Variants in DTNA observed in about 807,000 individuals in gnomAD.
DTNA encodes dystrobrevin alpha, also known as dystrophin-related protein 3.
In DTNA, 43 loss-of-function variants were observed where a neutral mutation model predicts 100.7. That is an observed-to-expected ratio of 0.43 (90% CI 0.33 to 0.55). The LOEUF is 0.55. DTNA is among the 20% of genes least tolerant of loss of function. The pLI is 0.04. For missense variants in DTNA, 798 were observed against 953.9 expected, an observed-to-expected ratio of 0.84 and a Z score of 2.15; for synonymous variants, 349 against 347.9, an observed-to-expected ratio of 1.00 and a Z score of -0.04.
At chr18:34,747,674 C>T (rs1408639443) in intron 1 of DTNA, among the ~76,000 whole-genome samples, 2 of 152,252 alleles carry the variant, frequency 1.3e-5, no homozygotes, top group African/African-American at 4.8e-5. Context: ...TACATTATTT[C>T]ATTTTTTTAT....
At chr18:34,583,914 A>T (rs116473530) in intron 1 of DTNA, among the ~76,000 whole-genome samples, 1,869 of 152,262 alleles carry the variant, frequency 0.012, 34 homozygotes, top group African/African-American at 0.041. Context: ...GAGTAACTTA[A>T]CTATAGAGGC....
At chr18:34,632,701 G>C (rs924738744) in intron 1 of DTNA, among the ~76,000 whole-genome samples, 2 of 152,122 alleles carry the variant, frequency 1.3e-5, no homozygotes, top group Non-Finnish European at 2.9e-5. Flanking sequence ...TTCAGCATTT[G>C]CTACAAACTT....
intron 1 of DTNA, among the ~76,000 whole-genome samples, chr18:34,637,262 C>G (rs1461087040): frequency 6.6e-6 from 1 of 152,162 alleles, no homozygotes; most frequent in Non-Finnish European, 1.5e-5. Flanking sequence ...CAGTGGCATA[C>G]TCTGCTATTT....
intron 1 of DTNA, among the ~76,000 whole-genome samples, chr18:34,611,954 C>T (rs568483671): frequency 5.9e-5 from 9 of 152,328 alleles, no homozygotes; most frequent in African/African-American, 1.2e-4. Flanking sequence ...CTGTGTTTCA[C>T]GGGGCTCATT....
At chr18:34,546,258 C>G (rs2044764300) in intron 1 of DTNA, among the ~76,000 whole-genome samples, 1 of 152,072 alleles carries the variant, frequency 6.6e-6, no homozygotes, top group Non-Finnish European at 1.5e-5. Flanking sequence ...CTCCTTCTGG[C>G]CTCTGTCTAA....
chr18:34,694,596 G>T (rs572809967), intron 1 of DTNA, among the ~76,000 whole-genome samples: 7 of 152,230 alleles, frequency 4.6e-5, no homozygotes, highest in Non-Finnish European at 7.4e-5. Context: ...CTGCACTTTT[G>T]TCTGTGTATA....
chr18:34,789,258 A>G (rs1475171433), intron 3 of DTNA, among the ~76,000 whole-genome samples: 2 of 152,208 alleles, frequency 1.3e-5, no homozygotes, highest in Admixed American at 1.3e-4. Context: ...TACTGGAACT[A>G]AAACAATATG....
At chr18:34,815,668 T>C in intron 6 of DTNA, 1 of 468,128 alleles carries the variant, frequency 2.1e-6, no homozygotes, top group Non-Finnish European at 3.9e-6. Context: ...TTTCTCCTGG[T>C]GATACTATTG....
chr18:34,877,572 C>T, intron 18 of DTNA, 147 bp from the exon 19 acceptor site: 1 of 636,982 alleles, frequency 1.6e-6, no homozygotes. Context: ...GTTCTTGTTT[C>T]AGGAAATGAA....
chr18:34,638,729 AAGCAAT>A (rs2058928856), intron 1 of DTNA, among the ~76,000 whole-genome samples: 1 of 152,236 alleles, frequency 6.6e-6, no homozygotes, highest in South Asian at 2.1e-4. Flanking sequence ...CCCACAATGA[AAGCAAT>A]ATTCCACTAT....
chr18:34,521,435 A>G (rs1256717352), intron 1 of DTNA, among the ~76,000 whole-genome samples: 2 of 152,186 alleles, frequency 1.3e-5, no homozygotes, highest in African/African-American at 4.8e-5. Flanking sequence ...ATAATCATGC[A>G]AAAGTATAAA....
intron 1 of DTNA, among the ~76,000 whole-genome samples, chr18:34,667,418 C>G (rs2076093436): frequency 6.6e-6 from 1 of 152,100 alleles, no homozygotes; most frequent in African/African-American, 2.4e-5. Flanking sequence ...CCTTTATTTC[C>G]TTCTCCTGCC....
intron 17 of DTNA, chr18:34,866,149 C>A (rs772375040): frequency 6.2e-7 from 1 of 1,614,202 alleles, no homozygotes; most frequent in African/African-American, 1.3e-5. Flanking sequence ...ATGTCCCCTA[C>A]TGCAGGTCTT....
rs891870885 is a variant in DTNA, at chr18:34,755,961, T to G, written c.-1-15T>G. On this transcript the variant is annotated splice_polypyrimidine_tract_variant and intron_variant, in intron 1 of 22. Transcript: ENST00000444659. The stretch of plus-strand genomic sequence containing the variant: ...GCGTGAGGATAATACACATTGTAAC[T>G]ATTTTGTCTCATAGAATGATTGAAG... The G allele has an allele frequency of 1.2e-6, 2 of 1,611,242 alleles. No individual in the cohort carries two copies. The highest frequency in any genetic ancestry group is 2.7e-5 in the African/African-American group (2 of 74,836).
chr18:34,771,046 T>C (rs1004331498), intron 3 of DTNA, among the ~76,000 whole-genome samples: 8 of 152,204 alleles, frequency 5.3e-5, no homozygotes, highest in Non-Finnish European at 1.0e-4. Flanking sequence ...TTCTCATTGG[T>C]AGACCAGCAT....
intron 1 of DTNA, among the ~76,000 whole-genome samples, chr18:34,713,353 T>C (rs576136358): frequency 2.6e-4 from 39 of 152,234 alleles, no homozygotes; most frequent in African/African-American, 9.1e-4. Context: ...GGAATAGAGG[T>C]GCTTGGTATG....
At position 34,838,251 on chromosome 18, in the gene DTNA, T is replaced by C. The variant is rs1048488902; in HGVS notation, c.1253+80T>C. 6.1e-6 allele frequency: 9 copies of C among 1,472,220 alleles called. No homozygotes were observed. The African/African-American group carries it at 1.2e-4, about 20-fold the overall frequency. 91.2% of individuals were successfully genotyped at this position (1,472,220 alleles called of 1,614,324 possible). A position where few individuals can be genotyped will look rare whatever the true frequency, so the allele number is the denominator to read the frequency against. ...GATTTCTTTTGTCAAAAATGCTTTG[T>C]GTGTGAAAGACTGTCTTTGATTCAG... On this transcript the variant is annotated intron_variant, in intron 12 of 22. Transcript: ENST00000444659.
At chr18:34,625,110 C>T (rs2057131901) in intron 1 of DTNA, among the ~76,000 whole-genome samples, 1 of 151,874 alleles carries the variant, frequency 6.6e-6, no homozygotes, top group Non-Finnish European at 1.5e-5. Flanking sequence ...TCTCGGCTCA[C>T]TGCAATCTCC....
chr18:34,716,839 C>T (rs1484034223), intron 1 of DTNA, among the ~76,000 whole-genome samples: 1 of 152,076 alleles, frequency 6.6e-6, no homozygotes, highest in Non-Finnish European at 1.5e-5. Context: ...GTCTTCACCG[C>T]TGATTTGCAA....
Sources: allele counts gnomAD v4.1 joint callset (sites outside exome capture counted in the v4.1 genomes callset), GRCh38; gene constraint gnomAD v4.1.1; transcripts MANE v1.5; gene names NCBI Gene and HGNC (gene_info 2026-07-23, HGNC 2026-07-21).